TLK1: variants seen among roughly 807,000 people sequenced by gnomAD.
The protein encoded by TLK1 is serine/threonine-protein kinase tousled-like 1.
A neutral mutation model predicts 105.3 loss-of-function variants in TLK1; 24 were observed. The observed-to-expected ratio is 0.23, with a 90% CI of 0.17 to 0.32. The LOEUF (loss-of-function observed/expected upper bound fraction) is 0.32. TLK1 is among the 10% of genes least tolerant of loss of function. The pLI, the probability that TLK1 is intolerant of heterozygous loss-of-function variation, is 1.00. For missense variants in TLK1, 558 were observed against 910.5 expected (o/e 0.61, Z 4.98); for synonymous variants, 321 against 310.4 (o/e 1.03, Z -0.36).
At position 171,100,989 on chromosome 2, in the gene TLK1, T is replaced by C. The variant is rs1421477146; in HGVS notation, c.258+16750A>G. Among the ~76,000 whole-genome samples the C allele has an allele frequency of 2.0e-5, 3 of 152,284 alleles. No homozygotes were observed. The East Asian group carries it at 5.8e-4, about 29-fold the overall frequency. ...CCATATAATGGAACAGTCTGTCATA[T>C]AATGGAATGAGTACAATACATACTA... On this transcript the variant is annotated intron_variant, in intron 2 of 20. Coordinates refer to ENST00000431350, the MANE Select transcript of TLK1 (RefSeq NM_012290.5).
At chr2:171,127,210 G>A (rs1449926287) in intron 1 of TLK1, among the ~76,000 whole-genome samples, 1 of 151,014 alleles carries the variant, frequency 6.6e-6, no homozygotes, top group Non-Finnish European at 1.5e-5. Context: ...CCGGGAGGCG[G>A]AGGTTGCAGT....
chr2:170,997,760 A>G lies in TLK1; in HGVS notation c.1968T>C (p.Asp656=), dbSNP rs200958366. The stretch of plus-strand genomic sequence containing the variant: ...AGAAGATGACTCCAACCGACCATAC[A>G]TCAACCTTGTTGGAAATCTTTGGTG... ...KEPPKISNKV[D]VWSVGVIFFQ... Residue 656 remains aspartate, a synonymous_variant, in exon 19 of 21, where the codon GAT becomes GAC. Coordinates refer to ENST00000431350, the MANE Select transcript of TLK1 (RefSeq NM_012290.5). The G allele has an allele frequency of 2.2e-5, 36 of 1,610,310 alleles. No homozygotes were observed. The highest frequency in any genetic ancestry group is 2.9e-5 in the Non-Finnish European group (34 of 1,177,904).
At position 171,193,699 on chromosome 2, in the gene TLK1, C is replaced by CT. The variant is rs1558986605; in HGVS notation, c.-6+37445_-6+37446insA. Among the ~76,000 whole-genome samples the CT allele has an allele frequency of 1.2e-3, 126 of 103,218 alleles. 7 individuals carry two copies. Among genetic ancestry groups the CT allele is most frequent in the Middle Eastern group, 7.4e-3 (1 of 136 alleles). 67.7% of individuals were successfully genotyped at this position (103,218 alleles called of 152,430 possible). On this transcript the variant is annotated intron_variant, in intron 1 of 20. Transcript: ENST00000521943. ...TATAGGCGTGAGCCACAGCGCCTGG[C>CT]ATTTTTTTTTTTTTTTTTTTTTTTT...
At chr2:171,153,050 T>C (rs1451314944) in intron 1 of TLK1, among the ~76,000 whole-genome samples, 1 of 152,198 alleles carries the variant, frequency 6.6e-6, no homozygotes, top group South Asian at 2.1e-4. Context: ...AACAAAAGTT[T>C]AGAAGTAAAA....
At chr2:171,182,938 AGAAAG>A (rs1558983176) in intron 1 of TLK1, among the ~76,000 whole-genome samples, 1 of 142,744 alleles carries the variant, frequency 7.0e-6, no homozygotes, top group African/African-American at 2.7e-5. Context: ...AAAAAAAAAA[AGAAAG>A]AAAGAAAGAA....
chr2:171,111,518 T>C (rs1690164936), intron 2 of TLK1, among the ~76,000 whole-genome samples: 2 of 147,718 alleles, frequency 1.4e-5, no homozygotes, highest in Non-Finnish European at 1.5e-5. Context: ...CTGGGAGGCA[T>C]AGGTTGCAGT....
At chr2:171,175,536 G>T (rs762012141) in intron 1 of TLK1, among the ~76,000 whole-genome samples, 21 of 152,056 alleles carry the variant, frequency 1.4e-4, no homozygotes, top group Non-Finnish European at 2.9e-4. Flanking sequence ...ATGGGAAGGT[G>T]GTCCTTAAAC....
At chr2:171,167,542 G>C (rs989293935) in intron 1 of TLK1, among the ~76,000 whole-genome samples, 3 of 152,136 alleles carry the variant, frequency 2.0e-5, no homozygotes, top group Non-Finnish European at 4.4e-5. Context: ...ACCACTGCTT[G>C]AAAGTTTTGG....
At chr2:171,186,476 C>A (rs1693027380) in intron 1 of TLK1, among the ~76,000 whole-genome samples, 1 of 152,182 alleles carries the variant, frequency 6.6e-6, no homozygotes, top group Admixed American at 6.5e-5. Flanking sequence ...GCCAGAGATG[C>A]TAAATATCCT....
intron 1 of TLK1, among the ~76,000 whole-genome samples, chr2:171,203,908 C>T (rs921821957): frequency 3.3e-5 from 5 of 152,010 alleles, no homozygotes; most frequent in Non-Finnish European, 7.4e-5. Context: ...AAAAATTTGC[C>T]GGGCGTGGTG....
In TLK1 at chr2:171,086,346, C is replaced by T. The variant is rs182093257; in HGVS notation, c.259-3494G>A. Among the ~76,000 whole-genome samples, 99 of 152,306 alleles carry T rather than the reference C, an allele frequency of 6.5e-4. 1 individual carries two copies. Among genetic ancestry groups the T allele is most frequent in the African/African-American group, 2.2e-3 (90 of 41,578 alleles). ...AACACTTAGAAGAAGGGAACAGAGG[C>T]TGGGTGCAGTGGCTCGCGCCTGTAA... On this transcript the variant is annotated intron_variant, in intron 2 of 20. Transcript: ENST00000431350.
At chr2:171,056,198 A>G (rs1393535402) in intron 6 of TLK1, among the ~76,000 whole-genome samples, 1 of 152,102 alleles carries the variant, frequency 6.6e-6, no homozygotes, top group African/African-American at 2.4e-5. Context: ...TGTTAGTCCC[A>G]CAGACTCAAC....
At chr2:171,098,198 G>A (rs967204276) in intron 2 of TLK1, among the ~76,000 whole-genome samples, 5 of 152,072 alleles carry the variant, frequency 3.3e-5, no homozygotes, top group African/African-American at 9.7e-5. Flanking sequence ...GGTGATTACA[G>A]TTAATAATAT....
intron 2 of TLK1, among the ~76,000 whole-genome samples, chr2:171,094,842 A>G (rs1252272975): frequency 6.6e-6 from 1 of 152,152 alleles, no homozygotes; most frequent in Non-Finnish European, 1.5e-5. Flanking sequence ...TCCTGACCTC[A>G]GGTGATCTGC....
chr2:171,156,022 T>C (rs1692218599), intron 1 of TLK1, among the ~76,000 whole-genome samples: 1 of 152,230 alleles, frequency 6.6e-6, no homozygotes, highest in Non-Finnish European at 1.5e-5. Context: ...TTCCATAGAC[T>C]TCCTGTAGGT....
intron 3 of TLK1, among the ~76,000 whole-genome samples, chr2:171,067,878 C>G (rs746352109): frequency 5.3e-5 from 8 of 152,064 alleles, no homozygotes; most frequent in Non-Finnish European, 1.2e-4. Flanking sequence ...GGTGTTTGGT[C>G]TTCTGTTCTT....
chr2:171,080,271 T>G (rs929623543), intron 3 of TLK1, among the ~76,000 whole-genome samples: 3 of 151,070 alleles, frequency 2.0e-5, no homozygotes, highest in South Asian at 2.1e-4. Flanking sequence ...TTTTAACAAC[T>G]GTAGTAAATT....
Position 171,014,801 on chromosome 2 carries a change from C to T in TLK1, c.1334+50G>A, listed in dbSNP as rs116162368. 4,681 of 1,286,086 alleles carry T rather than the reference C, an allele frequency of 3.6e-3. 104 individuals are homozygous for T. In the African/African-American group the frequency reaches 0.052, roughly 14 times the overall value. 79.7% of individuals were successfully genotyped at this position (1,286,086 alleles called of 1,614,324 possible). ...TATTGTGTTTATGCTCTATGGGGGG[C>T]GGGGGTAGTTTTAATAATATGAAAC... On this transcript the variant is annotated intron_variant, in intron 13 of 20. Transcript: ENST00000431350.
At chr2:171,139,845 T>C (rs1691496589) in intron 1 of TLK1, among the ~76,000 whole-genome samples, 1 of 152,056 alleles carries the variant, frequency 6.6e-6, no homozygotes, top group African/African-American at 2.4e-5. Flanking sequence ...GGAGTGGAGA[T>C]GGTTTCAGAT....
Sources: gnomAD v4.1 joint callset for allele counts (sites outside exome capture counted in the v4.1 genomes callset) on GRCh38, gnomAD v4.1.1 for gene constraint, MANE v1.5 for transcripts, NCBI Gene and HGNC (gene_info 2026-07-23, HGNC 2026-07-21) for gene names.